GLT1D1: variants seen among roughly 807,000 people sequenced by gnomAD.
GLT1D1 encodes the protein glycosyltransferase 1 domain containing 1, also known as glycosyltransferase 1 domain-containing protein 1.
GLT1D1 carries 21 observed loss-of-function variants against 28.7 expected under a neutral mutation model. The ratio of observed to expected loss-of-function variants is 0.73; its 90% confidence interval spans 0.52 to 1.05. The LOEUF (loss-of-function observed/expected upper bound fraction) is 1.05, where lower values mean the gene tolerates loss of function less well. Among genes scored for constraint, GLT1D1 ranks in the 50% least tolerant of loss-of-function variants. GLT1D1 has a pLI of 0.00. For synonymous variants in GLT1D1, 147 were observed against 124.8 expected, an observed-to-expected ratio of 1.18 and a Z score of -1.19; for missense variants, 343 against 330.6, an observed-to-expected ratio of 1.04 and a Z score of -0.29.
intron 2 of GLT1D1, among the ~76,000 whole-genome samples, chr12:128,888,055 T>G (rs1255727305): frequency 6.6e-6 from 1 of 152,248 alleles, no homozygotes; most frequent in Non-Finnish European, 1.5e-5. Context: ...TCACTCGGAA[T>G]ATACATACTC....
chr12:128,962,201 A>C (rs633771), intron 7 of GLT1D1, among the ~76,000 whole-genome samples: 115,366 of 152,086 alleles, frequency 0.76, 43,976 homozygotes, highest in African/African-American at 0.81. Flanking sequence ...TGAGGGGTTG[A>C]ACACGTCATG....
chr12:128,863,760 G>A (rs1412255307), intron 1 of GLT1D1, among the ~76,000 whole-genome samples: 2 of 151,572 alleles, frequency 1.3e-5, no homozygotes, highest in South Asian at 2.1e-4. Context: ...ACTGGCTAAC[G>A]CAGTGAAACC....
At chr12:128,865,570 C>G (rs1232350141) in intron 1 of GLT1D1, among the ~76,000 whole-genome samples, 1 of 152,098 alleles carries the variant, frequency 6.6e-6, no homozygotes, top group East Asian at 1.9e-4. Context: ...CGCCTGTAAT[C>G]CCAGCACTTT....
At chr12:128,897,597 T>C (rs1022302089) in intron 3 of GLT1D1, among the ~76,000 whole-genome samples, 5 of 152,202 alleles carry the variant, frequency 3.3e-5, no homozygotes, top group Non-Finnish European at 7.3e-5. Context: ...TTTTGAGATA[T>C]ATGATATAAG....
chr12:128,941,994 C>G (rs1226936322), intron 4 of GLT1D1, among the ~76,000 whole-genome samples: 1 of 145,770 alleles, frequency 6.9e-6, no homozygotes, highest in Non-Finnish European at 1.5e-5. Flanking sequence ...ATTTTTTTCC[C>G]TCTCTGAATT....
At chr12:128,943,667 G>A (rs373195701) in intron 4 of GLT1D1, among the ~76,000 whole-genome samples, 3 of 152,298 alleles carry the variant, frequency 2.0e-5, no homozygotes, top group East Asian at 3.9e-4. Flanking sequence ...GTAGCAAATT[G>A]AAAATTCTGA....
chr12:128,914,775 G>A (rs1023115017), intron 4 of GLT1D1, 158 bp from the exon 6 acceptor site: 14 of 557,620 alleles, frequency 2.5e-5, no homozygotes, highest in Middle Eastern at 4.6e-4. Context: ...AGCAGAGATC[G>A]TGGCACTGCA....
intron 7 of GLT1D1, among the ~76,000 whole-genome samples, chr12:128,960,118 G>A (rs1036207000): frequency 8.5e-5 from 13 of 152,126 alleles, no homozygotes; most frequent in African/African-American, 2.9e-4. Flanking sequence ...ACGACTCTGC[G>A]GCACTCACGG....
chr12:128,915,395 C>T (rs1872006580), intron 4 of GLT1D1, among the ~76,000 whole-genome samples: 1 of 147,590 alleles, frequency 6.8e-6, no homozygotes, highest in South Asian at 2.1e-4. Context: ...GATGGAGTCT[C>T]GTTCTGTTGC....
At chr12:128,977,843 C>T (rs1431634381) in intron 7 of GLT1D1, among the ~76,000 whole-genome samples, 3 of 148,896 alleles carry the variant, frequency 2.0e-5, no homozygotes, top group Non-Finnish European at 3.0e-5. Context: ...CAATGAATGG[C>T]GCTATCTCAG....
chr12:128,897,707 T>C (rs756993427), intron 3 of GLT1D1, among the ~76,000 whole-genome samples: 4 of 152,158 alleles, frequency 2.6e-5, no homozygotes, highest in Non-Finnish European at 5.9e-5. Flanking sequence ...CTCGCTCTGT[T>C]GCCCAGGCTG....
intron 1 of GLT1D1, among the ~76,000 whole-genome samples, chr12:128,855,232 A>AAC (rs1956185800): frequency 6.8e-6 from 1 of 146,558 alleles, no homozygotes; most frequent in Admixed American, 6.9e-5. Flanking sequence ...CTAAAAAAAA[A>AAC]AAAAAAAAAA....
At chr12:128,950,961 C>T (rs1018183716) in intron 6 of GLT1D1, among the ~76,000 whole-genome samples, 25 of 152,152 alleles carry the variant, frequency 1.6e-4, no homozygotes, top group African/African-American at 6.0e-4. Flanking sequence ...ATCTGTATTG[C>T]ACGTCATGGC....
intron 1 of GLT1D1, among the ~76,000 whole-genome samples, chr12:128,855,332 T>C (rs1248756365): frequency 6.6e-6 from 1 of 150,416 alleles, no homozygotes; most frequent in African/African-American, 2.5e-5. Context: ...GAGGCTGAGA[T>C]GGGAGGATTG....
chr12:128,957,709 G>C (rs1877447002), intron 7 of GLT1D1, 66 bp downstream of exon 11: 2 of 1,054,770 alleles, frequency 1.9e-6, no homozygotes, highest in Non-Finnish European at 2.9e-6. Context: ...ATGTTTAATG[G>C]AGAGATTCTT....
intron 4 of GLT1D1, among the ~76,000 whole-genome samples, chr12:128,900,336 T>C (rs470954): frequency 0.98 from 149,644 of 152,290 alleles, 73,578 homozygotes; most frequent in East Asian, 1. Flanking sequence ...TGATCATTTG[T>C]AGGCTCTGCC....
chr12:128,863,665 A>G (rs1236283106), intron 1 of GLT1D1, among the ~76,000 whole-genome samples: 1 of 152,176 alleles, frequency 6.6e-6, no homozygotes, highest in Non-Finnish European at 1.5e-5. Flanking sequence ...GGCGTGAGCC[A>G]CCGCACCTGG....
intron 2 of GLT1D1, among the ~76,000 whole-genome samples, chr12:128,888,236 G>T (rs115085794): frequency 6.6e-6 from 1 of 152,142 alleles, no homozygotes; most frequent in East Asian, 1.9e-4. Context: ...AAGCTAGCAC[G>T]GTGCCTGTTG....
chr12:128,924,048 C>G (rs956489373), intron 4 of GLT1D1, among the ~76,000 whole-genome samples: 1 of 152,118 alleles, frequency 6.6e-6, no homozygotes, highest in African/African-American at 2.4e-5. Flanking sequence ...CACTTGGACA[C>G]TTACAGACGG....
Sources: allele counts gnomAD v4.1 joint callset (sites outside exome capture counted in the v4.1 genomes callset), GRCh38; gene constraint gnomAD v4.1.1; transcripts MANE v1.5; gene names NCBI Gene and HGNC (gene_info 2026-07-23, HGNC 2026-07-21).